The following ZNF469 variants were observed in gnomAD, a reference collection of about 807,000 sequenced individuals.
ZNF469 encodes the protein zinc finger protein 469.
A neutral mutation model predicts 1.0 loss-of-function variants in ZNF469; 1 was observed. That is an observed-to-expected ratio of 1.00 (90% CI 0.35 to 4.73). The LOEUF (loss-of-function observed/expected upper bound fraction) is 4.73, where lower values mean the gene tolerates loss of function less well. Among genes scored for constraint, ZNF469 ranks in the 30% most tolerant of loss-of-function variants. The pLI, the probability that ZNF469 is intolerant of heterozygous loss-of-function variation, is 0.16. For missense variants in ZNF469, 6,100 were observed against 5,356.3 expected (o/e 1.14, Z -4.33); for synonymous variants, 2,703 against 2,363.4 (o/e 1.14, Z -4.17).
intron 1 of ZNF469, among the ~76,000 whole-genome samples, chr16:88,406,897 G>C (rs940155817): frequency 2.6e-5 from 4 of 152,182 alleles, no homozygotes; most frequent in African/African-American, 9.7e-5. Flanking sequence ...CCTAGCGGCT[G>C]TTCAGCACCC....
chr16:88,381,350 A>G (rs2092524540), upstream of ZNF469, among the ~76,000 whole-genome samples: 1 of 147,218 alleles, frequency 6.8e-6, no homozygotes, highest in Non-Finnish European at 1.5e-5. Context: ...ACAGACACAC[A>G]CTTATACACA....
the ZNF469 span, among the ~76,000 whole-genome samples, chr16:88,158,533 C>A: frequency 2.1e-5 from 3 of 142,602 alleles, no homozygotes; most frequent in African/African-American, 8.0e-5. Context: ...CCTGCCTCTG[C>A]GCAGAAGCCT....
At chr16:88,129,399 C>A in the ZNF469 span, among the ~76,000 whole-genome samples, 1 of 151,896 alleles carries the variant, frequency 6.6e-6, no homozygotes, top group African/African-American at 2.4e-5. Context: ...GAAGACAGAA[C>A]TCATTGTCCT....
the ZNF469 span, among the ~76,000 whole-genome samples, chr16:88,283,982 C>G: frequency 3.6e-5 from 4 of 109,934 alleles, no homozygotes; most frequent in East Asian, 1.4e-3. Context: ...GGCTGGTAGA[C>G]CCCGAGTGTG....
chr16:88,258,412 A>AC, the ZNF469 span, among the ~76,000 whole-genome samples: 47 of 118,274 alleles, frequency 4.0e-4, no homozygotes, highest in African/African-American at 1.1e-3. Context: ...TGAATGGCTC[A>AC]CCCCCCCACC....
chr16:88,114,193 A>C, the ZNF469 span, among the ~76,000 whole-genome samples: 9 of 140,988 alleles, frequency 6.4e-5, 1 homozygote, highest in East Asian at 2.1e-4. Context: ...AATGACAGGG[A>C]CCATACTCAC....
At chr16:88,173,206 C>A in the ZNF469 span, among the ~76,000 whole-genome samples, 1 of 152,028 alleles carries the variant, frequency 6.6e-6, no homozygotes, top group Non-Finnish European at 1.5e-5. Flanking sequence ...AAAGAGAAAT[C>A]TTAGAAGCAG....
At chr16:88,313,013 C>T in the ZNF469 span, among the ~76,000 whole-genome samples, 1 of 152,186 alleles carries the variant, frequency 6.6e-6, no homozygotes, top group Non-Finnish European at 1.5e-5. Flanking sequence ...ACTCTGCAGC[C>T]TGATCTAGGG....
At chr16:88,280,434 T>C in the ZNF469 span, among the ~76,000 whole-genome samples, 1 of 151,808 alleles carries the variant, frequency 6.6e-6, no homozygotes, top group Admixed American at 6.6e-5. Context: ...GTTAGTGCTG[T>C]GCCACACCAA....
At chr16:88,301,962 A>G in the ZNF469 span, among the ~76,000 whole-genome samples, 2 of 152,160 alleles carry the variant, frequency 1.3e-5, no homozygotes, top group African/African-American at 2.4e-5. Context: ...TCCTTGTTAC[A>G]TATACATTGT....
intron 2 of ZNF469, among the ~76,000 whole-genome samples, chr16:88,425,954 G>A (rs1363961717): frequency 6.6e-6 from 1 of 152,214 alleles, no homozygotes; most frequent in Non-Finnish European, 1.5e-5. Context: ...CCTCCCCGGT[G>A]CAGGCAGTCC....
At chr16:88,101,275 G>T in the ZNF469 span, among the ~76,000 whole-genome samples, 940 of 152,342 alleles carry the variant, frequency 6.2e-3, 9 homozygotes, top group Non-Finnish European at 0.011. Flanking sequence ...AAAGCATTTT[G>T]CTTTCCAGTT....
In ZNF469 at chr16:88,436,594, C is replaced by T. The variant is rs546845105; in HGVS notation, c.9124C>T (p.Arg3042Cys). The change falls in exon 3 of 3, where the codon CGT becomes TGT. Residue 3042 changes from arginine to cysteine, a missense_variant. Arg to Cys is a radical substitution (Grantham distance 180). Transcript: ENST00000565624. ...LPGNTHLLPL[R>C]ATDFEVLSTK... Reference sequence around the variant, plus strand: ...CGGGAACACCCACCTGCTGCCGCTCCGTGCCACGGACTTTGAGGTGCTCAG... The same window carrying T: ...CGGGAACACCCACCTGCTGCCGCTCTGTGCCACGGACTTTGAGGTGCTCAG... 43 of 1,550,222 alleles carry T rather than the reference C, an allele frequency of 2.8e-5. 1 individual carries two copies. Among genetic ancestry groups the T allele is most frequent in the Middle Eastern group, 1.7e-4 (1 of 5,992 alleles).
the ZNF469 span, among the ~76,000 whole-genome samples, chr16:88,193,150 G>GTGGTGGT: frequency 7.0e-5 from 1 of 14,234 alleles, no homozygotes; most frequent in African/African-American, 2.9e-4. Context: ...GATGGTGGTG[G>GTGGTGGT]GGATGGTGGT....
At chr16:88,425,717 C>T (rs1905670790) in intron 2 of ZNF469, among the ~76,000 whole-genome samples, 1 of 152,214 alleles carries the variant, frequency 6.6e-6, no homozygotes, top group African/African-American at 2.4e-5. Context: ...TGAATCCTGG[C>T]CCCAAGGACT....
chr16:88,126,393 T>C, the ZNF469 span, among the ~76,000 whole-genome samples: 1 of 151,552 alleles, frequency 6.6e-6, no homozygotes, highest in Non-Finnish European at 1.5e-5. Context: ...ACGTCTCGTA[T>C]TTCACCATTA....
At position 88,432,505 on chromosome 16, in the gene ZNF469, C is replaced by T. The variant is rs1035583375; in HGVS notation, c.5035C>T (p.Leu1679=). The part of the protein sequence containing the change: ...AALLPCAQED[L]VSGAPFSPRG... ...CCTTCTCCCCTGTGCCCAGGAAGAC[C>T]TGGTTTCTGGGGCTCCTTTCAGCCC... The change falls in exon 3 of 3, where the codon CTG becomes TTG. Residue 1679 remains leucine (L), a synonymous_variant. Transcript: ENST00000565624. 1 of 1,550,410 alleles carries T rather than the reference C, an allele frequency of 6.4e-7. No homozygotes were observed. The highest frequency in any genetic ancestry group is 8.7e-7 in the Non-Finnish European group (1 of 1,146,988).
the ZNF469 span, among the ~76,000 whole-genome samples, chr16:88,364,219 A>G: frequency 6.6e-6 from 1 of 152,338 alleles, no homozygotes; most frequent in East Asian, 1.9e-4. Flanking sequence ...TGAAAATACT[A>G]TCATTTCCCC....
the ZNF469 span, among the ~76,000 whole-genome samples, chr16:88,325,186 T>G: frequency 0.012 from 1,271 of 103,278 alleles, 21 homozygotes; most frequent in African/African-American, 0.054. Context: ...AGTCCTCACC[T>G]GCACACTCCA....
Sources: allele counts gnomAD v4.1 joint callset (sites outside exome capture counted in the v4.1 genomes callset), GRCh38; gene constraint gnomAD v4.1.1; transcripts MANE v1.5; gene names NCBI Gene and HGNC (gene_info 2026-07-23, HGNC 2026-07-21).